Variants in BRD1 observed in about 807,000 individuals in gnomAD.
The protein encoded by BRD1 is bromodomain-containing protein 1.
BRD1 carries 24 observed loss-of-function variants against 107.7 expected under a neutral mutation model. The observed-to-expected ratio is 0.22, with a 90% confidence interval of 0.16 to 0.31. The LOEUF (loss-of-function observed/expected upper bound fraction) is 0.31. Ranked by LOEUF, BRD1 falls within the 10% of genes least tolerant of loss-of-function variation. The pLI, the probability that BRD1 is intolerant of heterozygous loss-of-function variation, is 1.00. For missense variants in BRD1, 1,279 were observed against 1,638.6 expected (o/e 0.78, Z 3.79); for synonymous variants, 744 against 686.1 (o/e 1.08, Z -1.32).
chr22:49,826,348 G>C (rs1405698324), intron 1 of BRD1: 3 of 785,442 alleles, frequency 3.8e-6, no homozygotes, highest in Non-Finnish European at 4.6e-6. Context: ...ACTGGGACCC[G>C]GGGAAAGTAG....
chr22:49,789,339 G>A (rs774688514), intron 7 of BRD1, among the ~76,000 whole-genome samples: 1 of 152,218 alleles, frequency 6.6e-6, no homozygotes, highest in African/African-American at 2.4e-5. Flanking sequence ...GAGAAGGGCT[G>A]CTGAAAGGCT....
rs2060162342 is a variant in BRD1, at chr22:49,827,790, G to T, written c.-308C>A. Among the ~76,000 whole-genome samples, 1 of 144,678 alleles carries T rather than the reference G, an allele frequency of 6.9e-6. No individual in the cohort carries two copies. The highest frequency in any genetic ancestry group is 1.5e-5 in the Non-Finnish European group (1 of 65,268). The allele number at this position is 144,678 out of a possible 152,430, so 94.9% of individuals were successfully genotyped here. On this transcript the variant is annotated 5_prime_UTR_variant, in exon 1 of 13. Coordinates refer to ENST00000404760, the MANE Select transcript of BRD1 (RefSeq NM_001304808.3). ...CGCGGGCGCGGGCGCGGGAGCGGGC[G>T]GCGGGCGGCGGGCGCGGGACGCGGG...
chr22:49,811,741 G>T (rs1034705158), intron 2 of BRD1, among the ~76,000 whole-genome samples: 1 of 152,240 alleles, frequency 6.6e-6, no homozygotes, highest in African/African-American at 2.4e-5. Flanking sequence ...CACAGGTAAG[G>T]GGAGGGTACT....
chr22:49,820,970 T>C (rs1244727762), intron 2 of BRD1: 1 of 152,258 alleles, frequency 6.6e-6, no homozygotes, highest in Non-Finnish European at 1.5e-5. Context: ...GGTTTGTTTC[T>C]CTCTCTCTAC....
chr22:49,774,253 C>G lies in BRD1; in HGVS notation c.3550G>C (p.Asp1184His). 1 of 1,613,874 alleles carries G rather than the reference C, an allele frequency of 6.2e-7. No individual in the cohort carries two copies. The highest frequency in any genetic ancestry group is 8.5e-7 in the Non-Finnish European group (1 of 1,179,854). Reference sequence around the variant, plus strand: ...GGCCGTCAGTCAATGTCACTGAGGTCGCTGGTCGGCTCCCCGTGGACGCGG... The same window carrying G: ...GGCCGTCAGTCAATGTCACTGAGGTGGCTGGTCGGCTCCCCGTGGACGCGG... ...LSRVHGEPTS[D>H]LSDID Residue 1184 changes from aspartate (D) to histidine (H), a missense_variant, in exon 13 of 13, where the codon GAC becomes CAC. Coordinates refer to ENST00000404760, the MANE Select transcript of BRD1 (RefSeq NM_001304808.3).
intron 2 of BRD1, among the ~76,000 whole-genome samples, chr22:49,816,936 C>T (rs1376520729): frequency 6.6e-6 from 1 of 152,256 alleles, no homozygotes; most frequent in African/African-American, 2.4e-5. Context: ...ACCTTGTCTA[C>T]ACAGGACTTT....
At chr22:49,798,907 C>T in intron 4 of BRD1, 81 bp downstream of exon 4, 1 of 1,515,792 alleles carries the variant, frequency 6.6e-7, no homozygotes, top group African/African-American at 1.4e-5. Context: ...GGGTGCAGCC[C>T]ACCCTCTGCA....
rs559457171 is a variant in BRD1 at position 49,822,995 on chromosome 22, G to C, written c.1323C>G (p.Cys441Trp). Residue 441 changes from cysteine to tryptophan, a missense_variant, in exon 2 of 13, where the codon TGC becomes TGG. Physicochemically the swap from Cys to Trp is radical, Grantham distance 215 (BLOSUM62 -2). Transcript: ENST00000404760. ...GAGCGCACACGGTCGGCAGGACCGC[G>C]CAGGGCTCAGCCAGAGCTTTCTTAG... ...KKAKKALAEPCAVLPTVCAPY... is the reference protein window; with the variant it reads ...KKAKKALAEPWAVLPTVCAPY... The C allele has an allele frequency of 3.1e-6, 5 of 1,614,232 alleles. No homozygotes were observed. The highest frequency in any genetic ancestry group is 3.4e-6 in the Non-Finnish European group (4 of 1,180,044).
chr22:49,773,350 A>G lies in BRD1; in HGVS notation c.*883T>C, dbSNP rs1441080819. The G allele has an allele frequency of 2.0e-5, 3 of 152,342 alleles. No homozygotes were observed. Among genetic ancestry groups the G allele is most frequent in the African/African-American group, 7.2e-5 (3 of 41,462 alleles). The allele number at this position is 152,342 out of a possible 1,614,324, so 9.4% of individuals were successfully genotyped here. ...GGAAACCCACCCTACTTTCCCCAAC[A>G]TAATGCTTTACCTCTTAAAAATAAA... On this transcript the variant is annotated 3_prime_UTR_variant, in exon 13 of 13. Transcript: ENST00000404760.
At chr22:49,802,132 G>A (rs1005676626) in intron 3 of BRD1, among the ~76,000 whole-genome samples, 1 of 151,846 alleles carries the variant, frequency 6.6e-6, no homozygotes, top group East Asian at 1.9e-4. Flanking sequence ...CAACATCGCA[G>A]GGGCGGAGAC....
At chr22:49,814,774 T>C (rs1262812163) in intron 2 of BRD1, among the ~76,000 whole-genome samples, 1 of 152,240 alleles carries the variant, frequency 6.6e-6, no homozygotes, top group African/African-American at 2.4e-5. Context: ...TGATTATGTG[T>C]GGCAGTAATC....
In BRD1 at chr22:49,823,787, G is replaced by A. The variant is rs199960750; in HGVS notation, c.531C>T (p.Cys177=). The A allele has an allele frequency of 8.1e-6, 13 of 1,614,106 alleles. No individual in the cohort carries two copies. Among genetic ancestry groups the A allele is most frequent in the South Asian group, 4.4e-5 (4 of 91,090 alleles). Reference sequence around the variant, plus strand: ...ACATGCTCTGCGACACGGCGGGGACGCAGTCGCCCTTGCGCTTCTCATTGA... The same window carrying A: ...ACATGCTCTGCGACACGGCGGGGACACAGTCGCCCTTGCGCTTCTCATTGA... ...EIVNEKRKGD[C]VPAVSQSMFE... The change falls in exon 2 of 13, where the codon TGC becomes TGT. Residue 177 remains cysteine, a synonymous_variant. Transcript: ENST00000404760.
chr22:49,794,206 G>A lies in BRD1; in HGVS notation c.2187C>T (p.Cys729=), dbSNP rs369329207. The part of the protein sequence containing the change: ...RELLDMLDLT[C]AMKSSGSRSK... Reference sequence around the variant, plus strand: ...TCCGGGAGCCGCTGGACTTCATAGCGCAGGTGAGGTCGAGCATGTCCAGCA... The same window carrying A: ...TCCGGGAGCCGCTGGACTTCATAGCACAGGTGAGGTCGAGCATGTCCAGCA... The change falls in exon 7 of 13, where the codon TGC becomes TGT. Residue 729 remains cysteine, a synonymous_variant. Transcript: ENST00000404760. 1.2e-5 allele frequency: 20 copies of A among 1,614,062 alleles called. No homozygotes were observed. The highest frequency in any genetic ancestry group is 1.6e-4 in the Middle Eastern group (1 of 6,078).
In BRD1 at chr22:49,823,992, C is replaced by T. The variant is rs781162854; in HGVS notation, c.326G>A (p.Gly109Asp). 8.7e-6 allele frequency: 14 copies of T among 1,613,852 alleles called. No individual in the cohort carries two copies. The highest frequency in any genetic ancestry group is 1.3e-5 in the African/African-American group (1 of 74,934). The stretch of plus-strand genomic sequence containing the variant: ...GAGGGCACTGGCCGAGGCCGGCGTG[C>T]CGTGGGCGCTGGGGAGGGCCTCGTT... ...KKNEALPSAH[G>D]TPASASALPE... The change falls in exon 2 of 13, where the codon GGC (glycine) becomes GAC (aspartate). Residue 109 changes from glycine (G) to aspartate (D), a missense_variant. Transcript: ENST00000404760.
chr22:49,823,424 G>T lies in BRD1; in HGVS notation c.894C>A (p.Ile298=). The change falls in exon 2 of 13, where the codon ATC becomes ATA. Residue 298 remains isoleucine, a synonymous_variant. Coordinates refer to ENST00000404760, the MANE Select transcript of BRD1 (RefSeq NM_001304808.3). ...CCGTGTTGGCAAAGCCGACCTCTGG[G>T]ATCCACAGGGCACACACCACGTGAC... ...RWGHVVCALW[I]PEVGFANTVF... 1 of 1,612,272 alleles carries T rather than the reference G, an allele frequency of 6.2e-7. No individual in the cohort carries two copies. The highest frequency in any genetic ancestry group is 8.5e-7 in the Non-Finnish European group (1 of 1,180,008).
chr22:49,827,330 TCCCGGG>T, intron 1 of BRD1, among the ~76,000 whole-genome samples, 161 bp downstream of exon 1: 1 of 148,180 alleles, frequency 6.7e-6, no homozygotes, highest in African/African-American at 2.5e-5. Context: ...CTCCCCGGCA[TCCCGGG>T]CTCCCGGCCC....
intron 2 of BRD1, among the ~76,000 whole-genome samples, chr22:49,815,124 A>G (rs1299984184): frequency 6.6e-6 from 1 of 152,212 alleles, no homozygotes; most frequent in East Asian, 1.9e-4. Context: ...AAATGCCAGC[A>G]TCTTTAGGAG....
chr22:49,779,887 G>A (rs995821380), intron 8 of BRD1, among the ~76,000 whole-genome samples: 3 of 152,110 alleles, frequency 2.0e-5, no homozygotes, highest in African/African-American at 7.2e-5. Flanking sequence ...CCACAGGCCC[G>A]GAGAGGGGTC....
intron 2 of BRD1, among the ~76,000 whole-genome samples, chr22:49,821,195 C>G (rs911255202): frequency 2.0e-5 from 3 of 152,156 alleles, no homozygotes; most frequent in African/African-American, 7.2e-5. Context: ...GCGTGCGGCC[C>G]GGCCAGGCCC....
Sources: allele counts gnomAD v4.1 joint callset (sites outside exome capture counted in the v4.1 genomes callset), GRCh38; gene constraint gnomAD v4.1.1; transcripts MANE v1.5; gene names NCBI Gene and HGNC (gene_info 2026-07-23, HGNC 2026-07-21).